The following STAU1 variants were observed in gnomAD, a reference collection of about 807,000 sequenced individuals.
STAU1 encodes double-stranded RNA-binding protein Staufen homolog 1.
STAU1 carries 13 observed loss-of-function variants against 62.9 expected under a neutral mutation model. That is an observed-to-expected ratio of 0.21 (90% CI 0.13 to 0.33). The LOEUF is 0.33. STAU1 is among the 10% of genes least tolerant of loss of function. The pLI is 1.00. For missense variants in STAU1, 571 were observed against 712.1 expected (o/e 0.80, Z 2.25); for synonymous variants, 269 against 265.1 (o/e 1.01, Z -0.14).
At chr20:49,116,009 T>A in intron 12 of STAU1, 142 bp from the exon 13 acceptor site, 1 of 598,298 alleles carries the variant, frequency 1.7e-6, no homozygotes, top group Non-Finnish European at 3.0e-6. Context: ...TAAATAAAAC[T>A]TTGAATTTTT....
chr20:49,172,561 CA>C (rs2093610645), intron 2 of STAU1, among the ~76,000 whole-genome samples: 1 of 152,134 alleles, frequency 6.6e-6, no homozygotes, highest in Non-Finnish European at 1.5e-5. Context: ...CTTTTCCTTT[CA>C]GAAAAGGGAA....
At chr20:49,184,010 A>G (rs2093757789) in intron 1 of STAU1, among the ~76,000 whole-genome samples, 1 of 151,564 alleles carries the variant, frequency 6.6e-6, no homozygotes, top group Non-Finnish European at 1.5e-5. Context: ...GCTCACTGCA[A>G]CCTCTGCTTC....
chr20:49,143,124 G>C (rs1315914708), intron 5 of STAU1, among the ~76,000 whole-genome samples: 1 of 152,090 alleles, frequency 6.6e-6, no homozygotes, highest in Non-Finnish European at 1.5e-5. Context: ...CTATTATCCA[G>C]ACTGACAAAA....
At chr20:49,183,474 A>C (rs1179058836) in intron 1 of STAU1, among the ~76,000 whole-genome samples, 1 of 152,120 alleles carries the variant, frequency 6.6e-6, no homozygotes, top group African/African-American at 2.4e-5. Context: ...TGGGCGACAA[A>C]CTCTGGGATT....
At chr20:49,162,775 CA>C (rs933683643) in intron 3 of STAU1, among the ~76,000 whole-genome samples, 1,754 of 77,656 alleles carry the variant, frequency 0.023, 31 homozygotes, top group African/African-American at 0.081. Context: ...GACTCCGTCT[CA>C]AAAAAAAAAA....
At chr20:49,132,210 C>T (rs530184216) in intron 6 of STAU1, among the ~76,000 whole-genome samples, 37 of 152,250 alleles carry the variant, frequency 2.4e-4, no homozygotes, top group African/African-American at 7.7e-4. Flanking sequence ...AACACTTCTT[C>T]CCACAACAGT....
chr20:49,132,107 G>A (rs1296408768), intron 6 of STAU1, among the ~76,000 whole-genome samples: 3 of 151,924 alleles, frequency 2.0e-5, no homozygotes, highest in South Asian at 4.2e-4. Flanking sequence ...CAGGAGCAGA[G>A]GTGTGGGAAG....
At chr20:49,200,900 A>G in the STAU1 span, among the ~76,000 whole-genome samples, 3 of 149,856 alleles carry the variant, frequency 2.0e-5, no homozygotes, top group Admixed American at 6.7e-5. Flanking sequence ...GTAGCCAGGT[A>G]TGGTGGTGCA....
At chr20:49,195,535 CAAAAAAAAA>C in the STAU1 span, among the ~76,000 whole-genome samples, 7 of 38,148 alleles carry the variant, frequency 1.8e-4, no homozygotes, top group South Asian at 2.4e-3. Flanking sequence ...GACTCCGTCT[CAAAAAAAAA>C]AAAAAAAAAA....
chr20:49,145,858 C>T (rs348281), intron 5 of STAU1, among the ~76,000 whole-genome samples: 131,148 of 152,134 alleles, frequency 0.86, 57,057 homozygotes, highest in African/African-American at 0.96. Flanking sequence ...TGTCTGTGTA[C>T]AGCCACTGCA....
the STAU1 span, among the ~76,000 whole-genome samples, chr20:49,197,092 T>C: frequency 1.5e-3 from 225 of 149,654 alleles, 1 homozygote; most frequent in Middle Eastern, 0.011. Flanking sequence ...GAGGTGGAGG[T>C]TGCAGTGAGC....
At chr20:49,129,630 C>CTTTT (rs558925613) in intron 6 of STAU1, among the ~76,000 whole-genome samples, 71 of 96,660 alleles carry the variant, frequency 7.3e-4, no homozygotes, top group African/African-American at 1.5e-3. Context: ...AGTTTGGCAA[C>CTTTT]TTTTTTTTTT....
chr20:49,135,757 AG>A, intron 6 of STAU1, 75 bp downstream of exon 6: 1 of 1,054,198 alleles, frequency 9.5e-7, no homozygotes. Flanking sequence ...AATGATATTT[AG>A]GGGAAAAAAT....
At chr20:49,170,946 G>A (rs550522429) in intron 2 of STAU1, among the ~76,000 whole-genome samples, 1 of 152,162 alleles carries the variant, frequency 6.6e-6, no homozygotes, top group African/African-American at 2.4e-5. Flanking sequence ...CCTGTGCCTC[G>A]CTGTTATAAA....
the STAU1 span, among the ~76,000 whole-genome samples, chr20:49,195,532 T>G: frequency 2.4e-4 from 3 of 12,630 alleles, no homozygotes; most frequent in Non-Finnish European, 2.3e-4. Flanking sequence ...CAAGACTCCG[T>G]CTCAAAAAAA....
At chr20:49,181,784 A>AGC (rs2146589525) in intron 1 of STAU1, among the ~76,000 whole-genome samples, 1 of 150,688 alleles carries the variant, frequency 6.6e-6, no homozygotes, top group African/African-American at 2.4e-5. Flanking sequence ...AAAAAAAAAA[A>AGC]AAAAAAAAAA....
intron 8 of STAU1, among the ~76,000 whole-genome samples, chr20:49,122,029 G>C (rs2092476457): frequency 6.6e-6 from 1 of 152,170 alleles, no homozygotes; most frequent in Admixed American, 6.5e-5. Flanking sequence ...ACTTCCTTTT[G>C]TGGAATGAAA....
At chr20:49,218,454 T>G in the STAU1 span, among the ~76,000 whole-genome samples, 1 of 151,674 alleles carries the variant, frequency 6.6e-6, no homozygotes, top group Non-Finnish European at 1.5e-5. Context: ...CTCGATCTCC[T>G]GACCTCGTGA....
At chr20:49,140,215 T>C (rs930059489) in intron 5 of STAU1, among the ~76,000 whole-genome samples, 2 of 150,964 alleles carry the variant, frequency 1.3e-5, no homozygotes, top group Non-Finnish European at 2.9e-5. Flanking sequence ...TAATAGAAAA[T>C]GTAAAATGGT....
Sources: allele counts gnomAD v4.1 joint callset (sites outside exome capture counted in the v4.1 genomes callset), GRCh38; gene constraint gnomAD v4.1.1; transcripts MANE v1.5; gene names NCBI Gene and HGNC (gene_info 2026-07-23, HGNC 2026-07-21).